Variants in EPB41L4A observed in about 807,000 individuals in gnomAD.
The protein encoded by EPB41L4A is erythrocyte membrane protein band 4.1 like 4A, also known as band 4.1-like protein 4A.
EPB41L4A carries 100 observed loss-of-function variants against 108.6 expected under a neutral mutation model. That is an observed-to-expected ratio of 0.92 (90% CI 0.78 to 1.09). The LOEUF (loss-of-function observed/expected upper bound fraction) is 1.09. Among genes scored for constraint, EPB41L4A ranks in the 50% least tolerant of loss-of-function variants. The pLI is 0.00. For missense variants in EPB41L4A, 1,030 were observed against 842.7 expected, an observed-to-expected ratio of 1.22 and a Z score of -2.75; for synonymous variants, 319 against 289.0, an observed-to-expected ratio of 1.10 and a Z score of -1.05.
intron 1 of EPB41L4A, among the ~76,000 whole-genome samples, chr5:112,395,954 A>G (rs927997941): frequency 6.6e-6 from 1 of 152,238 alleles, no homozygotes; most frequent in Non-Finnish European, 1.5e-5. Context: ...TTGTAGGGAC[A>G]TAAATGAAGC....
At chr5:112,204,260 T>A (rs1762356442) in intron 15 of EPB41L4A, 115 bp downstream of exon 15, 1 of 647,232 alleles carries the variant, frequency 1.5e-6, no homozygotes. Context: ...GTAAGCTGCT[T>A]GTTATCTTGG....
At chr5:112,399,490 G>T (rs561623638) in intron 1 of EPB41L4A, among the ~76,000 whole-genome samples, 12 of 152,290 alleles carry the variant, frequency 7.9e-5, no homozygotes, top group Admixed American at 7.2e-4. Flanking sequence ...CACCTGGAAG[G>T]TTCTCGAAAT....
intron 1 of EPB41L4A, among the ~76,000 whole-genome samples, chr5:112,389,726 G>T (rs568244148): frequency 3.0e-4 from 45 of 152,252 alleles, no homozygotes; most frequent in African/African-American, 9.9e-4. Flanking sequence ...TTATGGAAGG[G>T]TTGCCCAATT....
At chr5:112,402,923 G>A (rs73214269) in intron 1 of EPB41L4A, among the ~76,000 whole-genome samples, 5,054 of 151,954 alleles carry the variant, frequency 0.033, 294 homozygotes, top group African/African-American at 0.12. Flanking sequence ...GCGGTTAGTC[G>A]TATGTTTACT....
intron 15 of EPB41L4A, among the ~76,000 whole-genome samples, chr5:112,202,343 A>C (rs901445333): frequency 1.3e-5 from 2 of 152,130 alleles, no homozygotes; most frequent in Non-Finnish European, 2.9e-5. Flanking sequence ...CTCTCTTTGC[A>C]TTCCTTCAGT....
chr5:112,290,594 G>A (rs1267940442), intron 2 of EPB41L4A, among the ~76,000 whole-genome samples: 4 of 152,194 alleles, frequency 2.6e-5, no homozygotes, highest in South Asian at 2.1e-4. Flanking sequence ...TTTTGGGTAA[G>A]TGAAGTTGCA....
intron 7 of EPB41L4A, among the ~76,000 whole-genome samples, chr5:112,261,864 A>G (rs1751510499): frequency 6.6e-6 from 1 of 151,138 alleles, no homozygotes; most frequent in Non-Finnish European, 1.5e-5. Context: ...TTTTCTGTCT[A>G]ATACAGTCAA....
At chr5:112,228,383 C>G (rs1483296757) in intron 12 of EPB41L4A, 1 of 152,242 alleles carries the variant, frequency 6.6e-6, no homozygotes, top group African/African-American at 2.4e-5. Flanking sequence ...ACACTGTGCA[C>G]AAACCATCCT....
At position 112,392,198 on chromosome 5, in the gene EPB41L4A, T is replaced by C. The variant is rs549517673; in HGVS notation, c.99+26743A>G. Among the ~76,000 whole-genome samples the C allele has an allele frequency of 6.4e-4, 97 of 152,226 alleles. 1 individual carries two copies. The South Asian group carries it at 0.019, about 30-fold the overall frequency. ...GAAAACTAACCAGCTAACATCATAA[T>C]GACAGAATCAAATTCACACATAACA... On this transcript the variant is annotated intron_variant, in intron 1 of 22. Coordinates refer to ENST00000261486, the MANE Select transcript of EPB41L4A (RefSeq NM_022140.5).
intron 12 of EPB41L4A, among the ~76,000 whole-genome samples, chr5:112,229,771 G>T (rs995106082): frequency 6.6e-6 from 1 of 152,056 alleles, no homozygotes; most frequent in Non-Finnish European, 1.5e-5. Flanking sequence ...GATGGATCAC[G>T]AGGCCAGGAG....
intron 2 of EPB41L4A, among the ~76,000 whole-genome samples, chr5:112,301,849 A>G (rs1754381636): frequency 6.6e-6 from 1 of 152,142 alleles, no homozygotes; most frequent in African/African-American, 2.4e-5. Flanking sequence ...GAGCCTTAAC[A>G]TCTTAGGAAA....
At chr5:112,233,894 T>A (rs560978744) in intron 12 of EPB41L4A, among the ~76,000 whole-genome samples, 20 of 152,246 alleles carry the variant, frequency 1.3e-4, no homozygotes, top group African/African-American at 4.8e-4. Context: ...AGTGGCATGA[T>A]CATAGCTCAC....
At position 112,162,879 on chromosome 5, in the gene EPB41L4A, A is replaced by G. The variant is rs1759997188; in HGVS notation, c.*2111T>C. 1 of 152,234 alleles carries G rather than the reference A, an allele frequency of 6.6e-6. No homozygotes were observed. The highest frequency in any genetic ancestry group is 1.5e-5 in the Non-Finnish European group (1 of 68,050). 9.4% of individuals were successfully genotyped at this position (152,234 alleles called of 1,614,324 possible). A position where few individuals can be genotyped will look rare whatever the true frequency, so the allele number is the denominator to read the frequency against. On this transcript the variant is annotated 3_prime_UTR_variant, in exon 23 of 23. Coordinates refer to ENST00000261486, the MANE Select transcript of EPB41L4A (RefSeq NM_022140.5). ...ACATATACAGAGGCTTGGGCTAGAAAAAAGATACCGTTAGTCCACTTACTT... is the reference window on the plus strand; with the variant it reads ...ACATATACAGAGGCTTGGGCTAGAAGAAAGATACCGTTAGTCCACTTACTT...
intron 1 of EPB41L4A, among the ~76,000 whole-genome samples, chr5:112,349,832 G>C (rs1757927987): frequency 6.6e-6 from 1 of 152,174 alleles, no homozygotes; most frequent in African/African-American, 2.4e-5. Flanking sequence ...AGGACAGAAA[G>C]TTCTGGTCAA....
chr5:112,250,874 T>C (rs546786060), intron 9 of EPB41L4A: 7 of 152,312 alleles, frequency 4.6e-5, no homozygotes, highest in East Asian at 3.9e-4. Flanking sequence ...GCCCGTTACA[T>C]GCCCAACTTT....
chr5:112,187,100 T>C (rs747263229), intron 17 of EPB41L4A, among the ~76,000 whole-genome samples: 5 of 152,138 alleles, frequency 3.3e-5, no homozygotes, highest in Non-Finnish European at 7.4e-5. Context: ...TGTTTTGACA[T>C]AGTACCTTTT....
intron 9 of EPB41L4A, among the ~76,000 whole-genome samples, chr5:112,247,955 C>G (rs1040104223): frequency 1.3e-5 from 2 of 152,068 alleles, no homozygotes; most frequent in Non-Finnish European, 2.9e-5. Context: ...ATTTCAAATC[C>G]AACCAGAATT....
intron 11 of EPB41L4A, among the ~76,000 whole-genome samples, chr5:112,239,106 T>C (rs1749582255): frequency 6.6e-6 from 1 of 152,184 alleles, no homozygotes; most frequent in African/African-American, 2.4e-5. Context: ...CATACATTAA[T>C]GGGGCTAATA....
intron 9 of EPB41L4A, among the ~76,000 whole-genome samples, chr5:112,243,818 T>A (rs966824737): frequency 1.3e-5 from 2 of 152,244 alleles, no homozygotes; most frequent in African/African-American, 4.8e-5. Context: ...AGTTAGAGCC[T>A]TTCTCTGGAT....
Sources: allele counts gnomAD v4.1 joint callset (sites outside exome capture counted in the v4.1 genomes callset), GRCh38; gene constraint gnomAD v4.1.1; transcripts MANE v1.5; gene names NCBI Gene and HGNC (gene_info 2026-07-23, HGNC 2026-07-21).